Variants in ADCY2 observed in about 807,000 individuals in gnomAD.
ADCY2 encodes the protein adenylate cyclase 2, also known as adenylate cyclase type 2.
In ADCY2, 31 loss-of-function variants were observed where a neutral mutation model predicts 125.2. The observed-to-expected ratio is 0.25, with a 90% CI of 0.19 to 0.33. ADCY2 has a LOEUF of 0.33. Among genes scored for constraint, ADCY2 ranks in the 10% least tolerant of loss-of-function variants. The pLI, the probability that ADCY2 is intolerant of heterozygous loss-of-function variation, is 1.00. For missense variants in ADCY2, 904 were observed against 1,418.2 expected (o/e 0.64, Z 5.82); for synonymous variants, 512 against 548.4 (o/e 0.93, Z 0.93).
intron 2 of ADCY2, among the ~76,000 whole-genome samples, chr5:7,440,539 C>G (rs1345354646): frequency 1.3e-5 from 2 of 152,138 alleles, no homozygotes; most frequent in Non-Finnish European, 2.9e-5. Context: ...CTTTTGCACG[C>G]ACAAGCTACA....
At chr5:7,618,664 TG>T (rs971079860) in intron 3 of ADCY2, among the ~76,000 whole-genome samples, 3 of 152,174 alleles carry the variant, frequency 2.0e-5, no homozygotes, top group African/African-American at 4.8e-5. Flanking sequence ...GAATTAGAAA[TG>T]GTGTTTAAAT....
At chr5:7,458,792 C>T (rs987076102) in intron 2 of ADCY2, among the ~76,000 whole-genome samples, 1 of 152,114 alleles carries the variant, frequency 6.6e-6, no homozygotes, top group East Asian at 1.9e-4. Context: ...ACAAAGAACA[C>T]ATGGGCTACT....
chr5:7,546,432 G>A (rs578051184), intron 3 of ADCY2, among the ~76,000 whole-genome samples: 37 of 152,098 alleles, frequency 2.4e-4, no homozygotes, highest in African/African-American at 8.7e-4. Flanking sequence ...CTTTTTTCTG[G>A]TGTGAAGACC....
intron 23 of ADCY2, among the ~76,000 whole-genome samples, chr5:7,817,291 G>C (rs867915989): frequency 2.0e-5 from 3 of 152,074 alleles, no homozygotes; most frequent in African/African-American, 7.2e-5. Flanking sequence ...TATTTTATGG[G>C]CTGTTGCCAA....
At chr5:7,450,918 C>G (rs565496290) in intron 2 of ADCY2, among the ~76,000 whole-genome samples, 1 of 152,310 alleles carries the variant, frequency 6.6e-6, no homozygotes, top group Admixed American at 6.5e-5. Flanking sequence ...GCTGCATGAA[C>G]TTAAAATATT....
intron 12 of ADCY2, among the ~76,000 whole-genome samples, chr5:7,719,094 C>A (rs1033118848): frequency 5.3e-5 from 8 of 152,194 alleles, no homozygotes; most frequent in Non-Finnish European, 1.2e-4. Context: ...TTTGTATGCA[C>A]CTTTTGGAAC....
chr5:7,589,510 G>GAAAGAAAGAAAGAA (rs1162031729), intron 3 of ADCY2, among the ~76,000 whole-genome samples: 1 of 88,052 alleles, frequency 1.1e-5, no homozygotes, highest in East Asian at 3.3e-4. Context: ...AAGAAAGAAA[G>GAAAGAAAGAAAGAA]AAAAGAAAAG....
intron 15 of ADCY2, among the ~76,000 whole-genome samples, chr5:7,744,818 TC>T (rs776187880): frequency 2.6e-5 from 4 of 152,256 alleles, no homozygotes; most frequent in Non-Finnish European, 4.4e-5. Context: ...ATAGAAATGT[TC>T]TTTAAAATAT....
chr5:7,567,265 T>C (rs1237644885), intron 3 of ADCY2, among the ~76,000 whole-genome samples: 4 of 152,196 alleles, frequency 2.6e-5, no homozygotes, highest in Non-Finnish European at 5.9e-5. Flanking sequence ...GTATTTTGAA[T>C]TAGCTCCCAA....
chr5:7,707,196 A>C (rs940928682), intron 8 of ADCY2, among the ~76,000 whole-genome samples: 2 of 151,564 alleles, frequency 1.3e-5, no homozygotes, highest in African/African-American at 4.9e-5. Flanking sequence ...ATGTTTTACA[A>C]AACAGTCCAG....
At chr5:7,515,509 A>G (rs532497324) in intron 2 of ADCY2, among the ~76,000 whole-genome samples, 111 of 152,326 alleles carry the variant, frequency 7.3e-4, no homozygotes, top group Non-Finnish European at 1.4e-3. Flanking sequence ...GTTGCCTGCC[A>G]TAGGCATCTG....
At chr5:7,811,426 G>A (rs112269355) in intron 22 of ADCY2, among the ~76,000 whole-genome samples, 19 of 151,744 alleles carry the variant, frequency 1.3e-4, no homozygotes, top group South Asian at 2.1e-4. Flanking sequence ...GTGTGAACCC[G>A]GGAGGCGGAG....
At chr5:7,502,306 C>G (rs375701788) in intron 2 of ADCY2, among the ~76,000 whole-genome samples, 2 of 152,112 alleles carry the variant, frequency 1.3e-5, no homozygotes. Flanking sequence ...TGTTCCCCAC[C>G]GAGCCCCACA....
chr5:7,758,074 A>G (rs572486340), intron 16 of ADCY2, among the ~76,000 whole-genome samples: 1 of 152,110 alleles, frequency 6.6e-6, no homozygotes, highest in South Asian at 2.1e-4. Flanking sequence ...TGCGATTGCA[A>G]CCCCTTGCTC....
intron 1 of ADCY2, among the ~76,000 whole-genome samples, chr5:7,401,428 G>A (rs558504003): frequency 8.3e-4 from 127 of 152,300 alleles, no homozygotes; most frequent in African/African-American, 3.0e-3. Flanking sequence ...TGAAGGTCTA[G>A]AATTCCCAGC....
chr5:7,610,900 T>A (rs940533446), intron 3 of ADCY2, among the ~76,000 whole-genome samples: 3 of 152,236 alleles, frequency 2.0e-5, no homozygotes, highest in Admixed American at 6.5e-5. Flanking sequence ...AAATGCATAA[T>A]CTAAAATCAA....
At chr5:7,700,634 T>C (rs760625892) in intron 7 of ADCY2, among the ~76,000 whole-genome samples, 2 of 151,798 alleles carry the variant, frequency 1.3e-5, no homozygotes, top group Non-Finnish European at 2.9e-5. Flanking sequence ...GGTCATATGC[T>C]GAAGCGACTA....
chr5:7,583,737 A>G (rs1736510822), intron 3 of ADCY2, among the ~76,000 whole-genome samples: 1 of 152,124 alleles, frequency 6.6e-6, no homozygotes, highest in Admixed American at 6.5e-5. Flanking sequence ...TCTGTGACCT[A>G]GCAATTCAAC....
At chr5:7,559,679 C>T (rs981262479) in intron 3 of ADCY2, among the ~76,000 whole-genome samples, 89 of 152,228 alleles carry the variant, frequency 5.8e-4, no homozygotes, top group Middle Eastern at 6.8e-3. Flanking sequence ...TTTCTGTTGC[C>T]TGTTAGCCCT....
Sources: allele counts gnomAD v4.1 joint callset (sites outside exome capture counted in the v4.1 genomes callset), GRCh38; gene constraint gnomAD v4.1.1; transcripts MANE v1.5; gene names NCBI Gene and HGNC (gene_info 2026-07-23, HGNC 2026-07-21).